Variants in SPTLC1 observed in about 807,000 individuals in gnomAD.
SPTLC1 encodes the protein serine palmitoyltransferase long chain base subunit 1.
SPTLC1 carries 55 observed loss-of-function variants against 68.9 expected under a neutral mutation model. That is an observed-to-expected ratio of 0.80 (90% CI 0.64 to 1.00). SPTLC1 has a LOEUF of 1.00. SPTLC1 is among the 50% of genes least tolerant of loss of function. SPTLC1 has a pLI of 0.00. For missense variants in SPTLC1, 449 were observed against 573.1 expected (o/e 0.78, Z 2.21); for synonymous variants, 197 against 201.6 (o/e 0.98, Z 0.19).
At chr9:92,081,925 G>A (rs1338529353) in intron 3 of SPTLC1, among the ~76,000 whole-genome samples, 1 of 152,002 alleles carries the variant, frequency 6.6e-6, no homozygotes, top group African/African-American at 2.4e-5. Flanking sequence ...TGGGAAACCA[G>A]GAAAAGAAAA....
In SPTLC1 at chr9:92,060,743, TA is replaced by T. The variant is rs777447484; in HGVS notation, c.561-1436del. 0.015 allele frequency among the ~76,000 whole-genome samples: 1,927 copies of T among 125,576 alleles called. 66 individuals are homozygous for T. In the East Asian group the frequency reaches 0.15, roughly 10 times the overall value. 82.4% of individuals were successfully genotyped at this position (125,576 alleles called of 152,430 possible). A position where few individuals can be genotyped will look rare whatever the true frequency, so the allele number is the denominator to read the frequency against. On this transcript the variant is annotated intron_variant, in intron 6 of 14. Transcript: ENST00000262554. ...AACATGGTGAAACCCCATCTCTACT[TA>T]AAAAAAAAAAAAAAAAAAATTAGCT... is the stretch of plus-strand genomic sequence containing the variant.
At chr9:92,082,020 G>A (rs1349584743) in intron 3 of SPTLC1, among the ~76,000 whole-genome samples, 1 of 152,160 alleles carries the variant, frequency 6.6e-6, no homozygotes, top group African/African-American at 2.4e-5. Flanking sequence ...ATGGGTTATA[G>A]AGTCTGTCAG....
At chr9:92,076,616 C>T (rs1323930688) in intron 5 of SPTLC1, among the ~76,000 whole-genome samples, 6 of 152,170 alleles carry the variant, frequency 3.9e-5, no homozygotes, top group Non-Finnish European at 8.8e-5. Flanking sequence ...CATTTCTTTT[C>T]CAGCCTGGAA....
At chr9:92,081,055 GT>G (rs1286707280) in intron 3 of SPTLC1, 92 bp from the exon 4 acceptor site, 332 of 924,332 alleles carry the variant, frequency 3.6e-4, no homozygotes, top group Non-Finnish European at 1.2e-4. Flanking sequence ...ACATAGTGTT[GT>G]CATCCTACCC....
chr9:92,088,695 G>C (rs1157191140), intron 3 of SPTLC1, among the ~76,000 whole-genome samples: 2 of 152,158 alleles, frequency 1.3e-5, no homozygotes, highest in Non-Finnish European at 2.9e-5. Flanking sequence ...CTTAACCACA[G>C]CTCAAAAGCT....
chr9:92,093,823 A>C (rs1238166381), intron 3 of SPTLC1, among the ~76,000 whole-genome samples: 1 of 152,232 alleles, frequency 6.6e-6, no homozygotes, highest in Non-Finnish European at 1.5e-5. Flanking sequence ...AACTGAATTT[A>C]GAAACCGGGA....
chr9:92,060,735 T>C (rs1433856250), intron 6 of SPTLC1, among the ~76,000 whole-genome samples: 2 of 143,230 alleles, frequency 1.4e-5, no homozygotes, highest in Admixed American at 6.9e-5. Context: ...TGAAACCCCA[T>C]CTCTACTTAA....
intron 6 of SPTLC1, among the ~76,000 whole-genome samples, chr9:92,063,126 A>C (rs1834160639): frequency 6.6e-6 from 1 of 152,212 alleles, no homozygotes; most frequent in African/African-American, 2.4e-5. Context: ...ACCTCTAACA[A>C]GACTGACAAA....
chr9:92,088,924 T>G (rs1835257618), intron 3 of SPTLC1, among the ~76,000 whole-genome samples: 1 of 152,110 alleles, frequency 6.6e-6, no homozygotes, highest in Non-Finnish European at 1.5e-5. Flanking sequence ...GAAAGACATC[T>G]CCACAATCGA....
intron 3 of SPTLC1, among the ~76,000 whole-genome samples, chr9:92,090,187 A>G (rs539917496): frequency 1.4e-4 from 21 of 152,288 alleles, no homozygotes; most frequent in African/African-American, 4.1e-4. Flanking sequence ...CTCAAATATA[A>G]TAATCCTGGA....
intron 5 of SPTLC1, among the ~76,000 whole-genome samples, chr9:92,078,837 T>C (rs1564103087): frequency 6.6e-6 from 1 of 152,226 alleles, no homozygotes; most frequent in Non-Finnish European, 1.5e-5. Context: ...TCTCCTTATC[T>C]GTTTCCAAGA....
At chr9:92,104,205 C>G (rs1308665511) in intron 3 of SPTLC1, among the ~76,000 whole-genome samples, 3 of 152,182 alleles carry the variant, frequency 2.0e-5, no homozygotes, top group Non-Finnish European at 2.9e-5. Flanking sequence ...TCAAAATGGG[C>G]AACTCACTAA....
intron 9 of SPTLC1, among the ~76,000 whole-genome samples, chr9:92,049,146 A>G (rs913918036): frequency 3.9e-5 from 6 of 152,148 alleles, no homozygotes; most frequent in Non-Finnish European, 7.3e-5. Context: ...CTCCCGGGAT[A>G]TTCACTCTGC....
chr9:92,045,513 C>T (rs1194660162), intron 12 of SPTLC1, among the ~76,000 whole-genome samples: 2 of 34,908 alleles, frequency 5.7e-5, no homozygotes, highest in Non-Finnish European at 1.1e-4. Flanking sequence ...AAAAAAGTGA[C>T]TCTTGTGTAG....
At chr9:92,050,364 C>CA in intron 8 of SPTLC1, 1 of 347,080 alleles carries the variant, frequency 2.9e-6, no homozygotes, top group South Asian at 2.7e-5. Context: ...GAACAACTAC[C>CA]CTTTTCATGG....
chr9:92,062,797 C>A (rs1834150787), intron 6 of SPTLC1, among the ~76,000 whole-genome samples: 1 of 151,982 alleles, frequency 6.6e-6, no homozygotes, highest in Non-Finnish European at 1.5e-5. Flanking sequence ...ATAATGACAC[C>A]CTATTTCTTA....
At chr9:92,077,655 C>T (rs1001328310) in intron 5 of SPTLC1, among the ~76,000 whole-genome samples, 7 of 152,180 alleles carry the variant, frequency 4.6e-5, no homozygotes, top group African/African-American at 1.7e-4. Flanking sequence ...AGTATTTAAA[C>T]TCTGTCTACT....
chr9:92,081,384 C>T (rs894522353), intron 3 of SPTLC1, among the ~76,000 whole-genome samples: 2 of 152,134 alleles, frequency 1.3e-5, no homozygotes, highest in African/African-American at 2.4e-5. Flanking sequence ...CATAGTTAAA[C>T]GGCTTAAAAA....
At chr9:92,036,586 C>G (rs1256070010) in intron 13 of SPTLC1, among the ~76,000 whole-genome samples, 2 of 152,216 alleles carry the variant, frequency 1.3e-5, no homozygotes, top group Non-Finnish European at 2.9e-5. Context: ...AGACCCAACA[C>G]CAGCGCATGC....
Sources: gnomAD v4.1 joint callset for allele counts (sites outside exome capture counted in the v4.1 genomes callset) on GRCh38, gnomAD v4.1.1 for gene constraint, MANE v1.5 for transcripts, NCBI Gene and HGNC (gene_info 2026-07-23, HGNC 2026-07-21) for gene names.